SRSF6: variants seen among roughly 807,000 people sequenced by gnomAD.
SRSF6 encodes serine and arginine rich splicing factor 6.
Under a neutral mutation model 42.0 loss-of-function variants are expected in SRSF6, and 17 were observed. That is an observed-to-expected ratio of 0.40 (90% CI 0.28 to 0.61). The LOEUF (loss-of-function observed/expected upper bound fraction) is 0.61. Among genes scored for constraint, SRSF6 ranks in the 20% least tolerant of loss-of-function variants. SRSF6 has a pLI of 0.37. For missense variants in SRSF6, 379 were observed against 471.4 expected, an observed-to-expected ratio of 0.80 and a Z score of 1.81; for synonymous variants, 204 against 166.7, an observed-to-expected ratio of 1.22 and a Z score of -1.72.
chr20:43,461,337 G>GTTTTGTTTTT lies in SRSF6; in HGVS notation c.*278_*279insGTTTTTTTTT, dbSNP rs2017589627. ...GTAAAGATTAAGCTCATTTAGTGTT[G>GTTTTGTTTTT]TTTTTTTTTTTTTTTTTTTTTTTTT... On this transcript the variant is annotated 3_prime_UTR_variant, in exon 6 of 6. Coordinates refer to ENST00000244020, the MANE Select transcript of SRSF6 (RefSeq NM_006275.6). 9.1e-5 allele frequency: 4 copies of GTTTTGTTTTT among 43,826 alleles called. No individual in the cohort carries two copies. Among genetic ancestry groups the GTTTTGTTTTT allele is most frequent in the Admixed American group, 2.9e-4 (1 of 3,448 alleles). The allele number at this position is 43,826 out of a possible 1,614,324, so 2.7% of individuals were successfully genotyped here. A position where few individuals can be genotyped will look rare whatever the true frequency, so the allele number is the denominator to read the frequency against.
In SRSF6 at chr20:43,461,738, T is replaced by A. The variant is rs1254383405; in HGVS notation, c.*675T>A. On this transcript the variant is annotated 3_prime_UTR_variant, in exon 6 of 6. Coordinates refer to ENST00000244020, the MANE Select transcript of SRSF6 (RefSeq NM_006275.6). ...ATTTGCCAAAGTCTTTATCTGCCCC[T>A]TTAACAAGTTGAGTAAAAATAAAAG... 6.6e-6 allele frequency: 1 copy of A among 152,664 alleles called. No homozygotes were observed. The highest frequency in any genetic ancestry group is 2.4e-5 in the African/African-American group (1 of 41,466). The allele number at this position is 152,664 out of a possible 1,614,324, so 9.5% of individuals were successfully genotyped here.
At position 43,461,353 on chromosome 20, in the gene SRSF6, T is replaced by TG. The variant is rs1568901763; in HGVS notation, c.*290_*291insG. On this transcript the variant is annotated 3_prime_UTR_variant, in exon 6 of 6. Coordinates refer to ENST00000244020, the MANE Select transcript of SRSF6 (RefSeq NM_006275.6). ...TTTAGTGTTGTTTTTTTTTTTTTTTTTTTTTTTTTTTTTTTTTTTTTAGTA... is the reference window on the plus strand; with the variant it reads ...TTTAGTGTTGTTTTTTTTTTTTTTTTGTTTTTTTTTTTTTTTTTTTTTAGTA... 3 of 239,050 alleles carry TG rather than the reference T, an allele frequency of 1.3e-5. No individual in the cohort carries two copies. Among genetic ancestry groups the TG allele is most frequent in the African/African-American group, 7.8e-5 (3 of 38,442 alleles). The allele number at this position is 239,050 out of a possible 1,614,324, so 14.8% of individuals were successfully genotyped here.
chr20:43,458,272 G>C, intron 1 of SRSF6, 89 bp from the exon 2 acceptor site: 3 of 1,398,028 alleles, frequency 2.1e-6, no homozygotes, highest in Non-Finnish European at 2.8e-6. Context: ...GCGGCGTCGC[G>C]GGGGCGCGCG....
At position 43,458,509 on chromosome 20, in the gene SRSF6, A is replaced by G; in HGVS notation, c.256A>G (p.Ser86Gly). ...DRDGYSYGSR[S>G]GGGGYSSRRT... ...CGACGGCTACAGCTACGGAAGCCGC[A>G]GTGAGTCCCACCCCCGCGCGCTCCG... is the stretch of plus-strand genomic sequence containing the variant. Residue 86 changes from serine (S) to glycine (G), a missense_variant and splice_region_variant, in exon 2 of 6, where the codon AGT becomes GGT. Physicochemically the swap from Ser to Gly is moderately conservative, Grantham distance 56. This residue lies in a region of SRSF6 where 117 missense variants were observed against 146.8 expected (regional missense o/e 0.80). Transcript: ENST00000244020. The G allele has an allele frequency of 6.7e-7, 1 of 1,496,770 alleles. No homozygotes were observed. Among genetic ancestry groups the G allele is most frequent in the East Asian group, 2.8e-5 (1 of 35,158 alleles). 92.7% of individuals were successfully genotyped at this position (1,496,770 alleles called of 1,614,324 possible).
intron 2 of SRSF6, among the ~76,000 whole-genome samples, chr20:43,458,734 G>T (rs1427971589): frequency 2.0e-5 from 3 of 152,220 alleles, no homozygotes; most frequent in Non-Finnish European, 4.4e-5. Flanking sequence ...TGGGAGGTGG[G>T]TGGCTTCTTC....
chr20:43,460,988 AAG>A lies in SRSF6; in HGVS notation c.963_964del (p.Arg321SerfsTer8). On this transcript the variant is annotated frameshift_variant, in exon 6 of 6. Coordinates refer to ENST00000244020, the MANE Select transcript of SRSF6 (RefSeq NM_006275.6). LOFTEE classifies it high-confidence loss of function. ...KARSVSPPPK[R>X]ATSRSRSRSR... The stretch of plus-strand genomic sequence containing the variant: ...CCCGTTCTGTGTCCCCTCCACCAAA[AAG>A]AGCTACTTCAAGATCCCGTTCTAGA... 1.2e-6 allele frequency: 2 copies of A among 1,613,524 alleles called. No homozygotes were observed. Among genetic ancestry groups the A allele is most frequent in the Non-Finnish European group, 1.7e-6 (2 of 1,179,852 alleles).
In SRSF6 at chr20:43,458,525, G is replaced by T. The variant is rs2017536584; in HGVS notation, c.256+16G>T. ...GGAAGCCGCAGTGAGTCCCACCCCC[G>T]CGCGCTCCGCGCCCTTGGGGACCCT... On this transcript the variant is annotated intron_variant, in intron 2 of 5. Coordinates refer to ENST00000244020, the MANE Select transcript of SRSF6 (RefSeq NM_006275.6). 6.8e-7 allele frequency: 1 copy of T among 1,474,420 alleles called. No homozygotes were observed. Among genetic ancestry groups the T allele is most frequent in the Non-Finnish European group, 8.9e-7 (1 of 1,120,020 alleles). 91.3% of individuals were successfully genotyped at this position (1,474,420 alleles called of 1,614,324 possible).
Position 43,458,198 on chromosome 20 carries a change from C to G in SRSF6, c.107+58C>G, listed in dbSNP as rs564466737. ...CCCAGGCCTGGTGGCGGCGGGAACT[C>G]TCCAAGGAAAGAAGCGGCCAAGGCC... On this transcript the variant is annotated intron_variant, in intron 1 of 5. Transcript: ENST00000244020. The G allele has an allele frequency of 4.9e-4, 758 of 1,560,898 alleles. 4 individuals carry two copies. Among genetic ancestry groups the G allele is most frequent in the Non-Finnish European group, 1.5e-5 (17 of 1,148,406 alleles).
chr20:43,460,415 A>G, intron 4 of SRSF6, 100 bp from the exon 5 acceptor site: 22 of 1,329,642 alleles, frequency 1.7e-5, no homozygotes, highest in Non-Finnish European at 2.2e-5. Flanking sequence ...ATTTCGTAGT[A>G]AAGAAAAACA....
Position 43,460,226 on chromosome 20 carries a change from C to G in SRSF6, c.575C>G (p.Ser192Cys). The G allele has an allele frequency of 6.2e-7, 1 of 1,614,090 alleles. No homozygotes were observed. Among genetic ancestry groups the G allele is most frequent in the Non-Finnish European group, 8.5e-7 (1 of 1,179,962 alleles). Residue 192 changes from serine to cysteine, a missense_variant, in exon 4 of 6, where the codon TCT becomes TGT. By Grantham distance (112) the Ser-to-Cys change is moderately radical. Coordinates refer to ENST00000244020, the MANE Select transcript of SRSF6 (RefSeq NM_006275.6). ...CGCACAAGCCATAGGCGATCTTACT[C>G]TGGAAGCAGATCCAGGTAACTTGTT... ...KPRTSHRRSY[S>C]GSRSRSRSRR...
chr20:43,457,933 G>T lies in SRSF6; in HGVS notation c.-101G>T. On this transcript the variant is annotated 5_prime_UTR_variant, in exon 1 of 6. Coordinates refer to ENST00000244020, the MANE Select transcript of SRSF6 (RefSeq NM_006275.6). The stretch of plus-strand genomic sequence containing the variant: ...GACTCGGCCGCCCCTGTGGTGTGAG[G>T]CGCGTGTTCGGGCTCTTGCCGTCCC... 8.2e-6 allele frequency: 8 copies of T among 974,572 alleles called. No individual in the cohort carries two copies. The highest frequency in any genetic ancestry group is 5.7e-5 in the South Asian group (4 of 70,290). 60.4% of individuals were successfully genotyped at this position (974,572 alleles called of 1,614,324 possible).
intron 2 of SRSF6, 148 bp from the exon 3 acceptor site, chr20:43,459,623 G>A: frequency 7.3e-7 from 1 of 1,372,494 alleles, no homozygotes; most frequent in Non-Finnish European, 9.9e-7. Flanking sequence ...TAATTTTATG[G>A]CAAATCACAA....
rs374573626 is a variant in SRSF6, at chr20:43,458,333, G to T, written c.108-28G>T. 24 of 1,516,038 alleles carry T rather than the reference G, an allele frequency of 1.6e-5. No individual in the cohort carries two copies. In the African/African-American group the frequency reaches 3.1e-4, roughly 19 times the overall value. The allele number at this position is 1,516,038 out of a possible 1,614,324, so 93.9% of individuals were successfully genotyped here. On this transcript the variant is annotated intron_variant, in intron 1 of 5. Transcript: ENST00000244020. ...GCGTCCTGGCTAACGACTCCCCCGC[G>T]GTTGTCCGGCCCTCGCACCGCCCCT...
rs1169558933 is a variant in SRSF6 at position 43,462,253 on chromosome 20, G to A, written c.*1190G>A. ...CTTTATTACGAGTAAAGTGTAATGA[G>A]TACTGTGGAAACCAAATTTGAATAC... On this transcript the variant is annotated 3_prime_UTR_variant, in exon 6 of 6. Transcript: ENST00000244020. The A allele has an allele frequency of 1.3e-5, 2 of 152,176 alleles. No individual in the cohort carries two copies. Among genetic ancestry groups the A allele is most frequent in the Non-Finnish European group, 2.9e-5 (2 of 68,036 alleles). The allele number at this position is 152,176 out of a possible 1,614,324, so 9.4% of individuals were successfully genotyped here.
chr20:43,459,004 A>G (rs2017545080), intron 2 of SRSF6: 1 of 590,376 alleles, frequency 1.7e-6, no homozygotes, highest in Admixed American at 3.1e-5. Flanking sequence ...AGTAGATCTA[A>G]ATAAGCTTTA....
At chr20:43,460,367 A>G in intron 4 of SRSF6, 126 bp downstream of exon 4, 7 of 1,344,264 alleles carry the variant, frequency 5.2e-6, no homozygotes, top group Middle Eastern at 1.9e-4. Context: ...GCTGTGCATC[A>G]TTGCGTTCTT....
intron 2 of SRSF6, chr20:43,459,228 C>G (rs751783113): frequency 2.4e-5 from 33 of 1,352,120 alleles, no homozygotes; most frequent in Non-Finnish European, 3.1e-5. Flanking sequence ...CTTTTCCATA[C>G]ATTGTGTGAC....
chr20:43,461,609 A>G lies in SRSF6; in HGVS notation c.*546A>G, dbSNP rs2017601523. 6.6e-6 allele frequency: 1 copy of G among 152,500 alleles called. No homozygotes were observed. Among genetic ancestry groups the G allele is most frequent in the Non-Finnish European group, 1.5e-5 (1 of 68,018 alleles). 9.4% of individuals were successfully genotyped at this position (152,500 alleles called of 1,614,324 possible). On this transcript the variant is annotated 3_prime_UTR_variant, in exon 6 of 6. Coordinates refer to ENST00000244020, the MANE Select transcript of SRSF6 (RefSeq NM_006275.6). ...ATTCCTTTAAATGTTGATATCTGCC[A>G]TTTGTGGAAACAACGTAAATTCTAC...
At position 43,461,767 on chromosome 20, in the gene SRSF6, T is replaced by C. The variant is rs557202260; in HGVS notation, c.*704T>C. The C allele has an allele frequency of 7.7e-4, 118 of 152,628 alleles. No homozygotes were observed. The highest frequency in any genetic ancestry group is 1.3e-3 in the Non-Finnish European group (89 of 68,022). The allele number at this position is 152,628 out of a possible 1,614,324, so 9.5% of individuals were successfully genotyped here. A position where few individuals can be genotyped will look rare whatever the true frequency, so the allele number is the denominator to read the frequency against. On this transcript the variant is annotated 3_prime_UTR_variant, in exon 6 of 6. Transcript: ENST00000244020. The stretch of plus-strand genomic sequence containing the variant: ...ACAAGTTGAGTAAAAATAAAAGGTA[T>C]TTTTTAGTCAATGTGTTCCATGATT...
Sources: gnomAD v4.1 joint callset for allele counts (sites outside exome capture counted in the v4.1 genomes callset) on GRCh38, gnomAD v4.1.1 for gene constraint, gnomAD v4.1.1 regional missense constraint, MANE v1.5 for transcripts, NCBI Gene and HGNC (gene_info 2026-07-23, HGNC 2026-07-21) for gene names.